Variants in USP36 observed in about 807,000 individuals in gnomAD.
USP36 encodes ubiquitin specific peptidase 36.
A neutral mutation model predicts 111.5 loss-of-function variants in USP36; 59 were observed. The observed-to-expected ratio is 0.53, with a 90% CI of 0.43 to 0.66. USP36 has a LOEUF of 0.66. USP36 is among the 30% of genes least tolerant of loss of function. USP36 has a pLI of 0.00. For missense variants in USP36, 1,488 were observed against 1,468.0 expected, an observed-to-expected ratio of 1.01 and a Z score of -0.22; for synonymous variants, 628 against 581.0, an observed-to-expected ratio of 1.08 and a Z score of -1.16.
chr17:78,837,353 G>A (rs1486159189), intron 2 of USP36, among the ~76,000 whole-genome samples: 1 of 152,040 alleles, frequency 6.6e-6, no homozygotes, highest in Admixed American at 6.6e-5. Context: ...AAGCCAAGCA[G>A]GAGAGTGGGG....
rs768525189 is a variant in USP36, at chr17:78,803,790, C to A, written c.2405G>T (p.Ser802Ile). 31 of 1,612,726 alleles carry A rather than the reference C, an allele frequency of 1.9e-5. No homozygotes were observed. Among genetic ancestry groups the A allele is most frequent in the Non-Finnish European group, 2.5e-5 (30 of 1,179,988 alleles). Residue 802 changes from serine (S) to isoleucine (I), a missense_variant, in exon 16 of 21, where the codon AGT (serine) becomes ATT (isoleucine). Physicochemically the swap from Ser to Ile is moderately radical, Grantham distance 142 (BLOSUM62 -2). This residue lies in a region of USP36 where 1,073 missense variants were observed against 994.1 expected (regional missense o/e 1.08). Transcript: ENST00000449938. This position sits in a 1 kb window ranked among gnomAD's most constrained non-coding sequence, Gnocchi z 4.6. Reference sequence around the variant, plus strand: ...CTCAGAGGGGCTCTGGGGGGGCTCACTGGCCTCTGGCAACTGGTGTGGAAG... The same window carrying A: ...CTCAGAGGGGCTCTGGGGGGGCTCAATGGCCTCTGGCAACTGGTGTGGAAG... The part of the protein sequence containing the change: ...VSLPHQLPEA[S>I]EPPQSPSEKR...
chr17:78,809,445 T>C (rs1433606520), intron 13 of USP36, among the ~76,000 whole-genome samples: 1 of 152,196 alleles, frequency 6.6e-6, no homozygotes, highest in African/African-American at 2.4e-5. Context: ...ACTTGCACCA[T>C]GTCATTTAGA....
chr17:78,799,760 G>C lies in USP36; in HGVS notation c.3031C>G (p.Gln1011Glu), dbSNP rs1567907768. The change falls in exon 18 of 21, where the codon CAG (glutamine) becomes GAG (glutamate). Residue 1011 changes from glutamine (Q) to glutamate (E), a missense_variant. Gln to Glu is a conservative substitution (Grantham distance 29, BLOSUM62 2). Transcript: ENST00000449938. ...CCATTCCAAGACACAGGAGGGGCCT[G>C]GCTCAGCCCTGCAATCGGAGCAGCC... ...WCPGDRMGLS[Q>E]APPVSWNGER... is the part of the protein sequence containing the mutation. The C allele has an allele frequency of 6.2e-7, 1 of 1,601,694 alleles. No individual in the cohort carries two copies. The highest frequency in any genetic ancestry group is 1.1e-5 in the South Asian group (1 of 88,570).
chr17:78,802,652 G>A (rs749894320), intron 16 of USP36, 117 bp from the exon 17 acceptor site: 124 of 950,904 alleles, frequency 1.3e-4, no homozygotes, highest in Non-Finnish European at 1.6e-4. Context: ...CCCAGTGCAC[G>A]CAGGTCCCTG....
intron 4 of USP36, among the ~76,000 whole-genome samples, chr17:78,830,597 A>G (rs1730825531): frequency 6.6e-6 from 1 of 152,200 alleles, no homozygotes; most frequent in Non-Finnish European, 1.5e-5. Context: ...ACAGTGCATT[A>G]CCTATTATCT....
At position 78,802,450 on chromosome 17, in the gene USP36, G is replaced by C. The variant is rs752023189; in HGVS notation, c.2896C>G (p.Gln966Glu). 106 of 1,607,078 alleles carry C rather than the reference G, an allele frequency of 6.6e-5. No individual in the cohort carries two copies. Among genetic ancestry groups the C allele is most frequent in the Non-Finnish European group, 8.4e-5 (99 of 1,177,130 alleles). The change falls in exon 17 of 21, where the codon CAG becomes GAG. Residue 966 changes from glutamine (Q) to glutamate (E), a missense_variant. Gln to Glu is a conservative substitution (Grantham distance 29). This residue lies in a region of USP36 where 1,073 missense variants were observed against 994.1 expected (regional missense o/e 1.08). Coordinates refer to ENST00000449938, the MANE Select transcript of USP36 (RefSeq NM_001385174.1). ...KKKKKRKQET[Q>E]RAVEEDGHLK... ...TGCCCATCCTCTTCTACTGCCCGCT[G>C]TGTCTCCTGCTTTCTTTTTTTCTTT...
intron 6 of USP36, among the ~76,000 whole-genome samples, chr17:78,824,852 A>G (rs898794394): frequency 6.6e-6 from 1 of 152,220 alleles, no homozygotes; most frequent in Non-Finnish European, 1.5e-5. Flanking sequence ...GAAACCCTGC[A>G]AAAGCAGGGG....
chr17:78,803,689 C>T lies in USP36; in HGVS notation c.2506G>A (p.Ala836Thr), dbSNP rs1448386705. The change falls in exon 16 of 21, where the codon GCC becomes ACC. Residue 836 changes from alanine to threonine, a missense_variant. Physicochemically the swap from Ala to Thr is moderately conservative, Grantham distance 58 (BLOSUM62 0). Transcript: ENST00000449938. The surrounding 1 kb of genome is among the most constrained non-coding windows in gnomAD (Gnocchi z 4.6). ...ETRLPQHIRE[A>T]TAAPHGKRKR... ...CTCTTCCCGTGGGGAGCCGCAGTGG[C>T]CTCCCTGATGTGCTGTGGGAGGCGC... 1.2e-6 allele frequency: 2 copies of T among 1,610,904 alleles called. No homozygotes were observed. Among genetic ancestry groups the T allele is most frequent in the Non-Finnish European group, 1.7e-6 (2 of 1,179,608 alleles).
At chr17:78,811,883 A>G (rs79372583) in intron 13 of USP36, among the ~76,000 whole-genome samples, 2 of 151,858 alleles carry the variant, frequency 1.3e-5, no homozygotes, top group Non-Finnish European at 2.9e-5. Flanking sequence ...AAAAAAAAAA[A>G]GGATATTTTT....
intron 11 of USP36, 47 bp downstream of exon 11, chr17:78,814,365 G>A (rs2094134179): frequency 6.2e-7 from 1 of 1,608,394 alleles, no homozygotes; most frequent in African/African-American, 1.3e-5. Context: ...GTGCATGGGT[G>A]CTGAAACCTG....
At chr17:78,814,811 A>C (rs1325895992) in intron 10 of USP36, among the ~76,000 whole-genome samples, 1 of 152,140 alleles carries the variant, frequency 6.6e-6, no homozygotes, top group Admixed American at 6.5e-5. Flanking sequence ...TTAGCTGGGC[A>C]TGGTGGTGCA....
In USP36 at chr17:78,836,178, C is replaced by T. The variant is rs372674733; in HGVS notation, c.186G>A (p.Leu62=). ...QLEALKSKYV[L]LNPKTEGASR... is the part of the protein sequence containing the mutation. ...TAGCTCCCTCTGTTTTGGGGTTGAG[C>T]AACACATATTTGCTCTTTAAGGCCT... Residue 62 remains leucine, a synonymous_variant, in exon 3 of 21, where the codon TTG becomes TTA. Coordinates refer to ENST00000449938, the MANE Select transcript of USP36 (RefSeq NM_001385174.1). 3.7e-6 allele frequency: 6 copies of T among 1,613,992 alleles called. No homozygotes were observed. In the African/African-American group the frequency reaches 8.0e-5, roughly 22 times the overall value.
At position 78,812,846 on chromosome 17, in the gene USP36, A is replaced by T; in HGVS notation, c.1407+14T>A. 1 of 1,612,590 alleles carries T rather than the reference A, an allele frequency of 6.2e-7. No individual in the cohort carries two copies. Among genetic ancestry groups the T allele is most frequent in the Middle Eastern group, 1.9e-4 (1 of 5,186 alleles). The stretch of plus-strand genomic sequence containing the variant: ...AAGACCAGCCACTTTGGCCTCCATC[A>T]TTCTCACAAATACCTTTCCAGTCAG... On this transcript the variant is annotated intron_variant, in intron 13 of 20. Transcript: ENST00000449938.
At chr17:78,808,354 G>C (rs1327029390) in intron 13 of USP36, among the ~76,000 whole-genome samples, 1 of 152,142 alleles carries the variant, frequency 6.6e-6, no homozygotes, top group African/African-American at 2.4e-5. Flanking sequence ...GGGCTCAAGA[G>C]ATCCTCCCAC....
At position 78,798,486 on chromosome 17, in the gene USP36, C is replaced by G. The variant is rs756624536; in HGVS notation, c.3306G>C (p.Gln1102His). 1 of 1,614,212 alleles carries G rather than the reference C, an allele frequency of 6.2e-7. No individual in the cohort carries two copies. The highest frequency in any genetic ancestry group is 1.1e-5 in the South Asian group (1 of 91,092). ...TCACAGACCAGAAGTTCCGTCGAGT[C>G]TGAAGTTTCTGGAAGGCGTTGAAGT... is the stretch of plus-strand genomic sequence containing the variant. Reference protein sequence around the residue: ...RRNFNAFQKLQTRRNFWSVTH... With the variant: ...RRNFNAFQKLHTRRNFWSVTH... Residue 1102 changes from glutamine (Q) to histidine (H), a missense_variant, in exon 20 of 21, where the codon CAG becomes CAC. This residue lies in a region of USP36 where 1,073 missense variants were observed against 994.1 expected (regional missense o/e 1.08). Coordinates refer to ENST00000449938, the MANE Select transcript of USP36 (RefSeq NM_001385174.1). The surrounding 1 kb of genome is among the most constrained non-coding windows in gnomAD (Gnocchi z 5.1).
At chr17:78,833,304 C>T (rs111805955) in intron 4 of USP36, among the ~76,000 whole-genome samples, 15,805 of 151,906 alleles carry the variant, frequency 0.1, 1,088 homozygotes, top group Middle Eastern at 0.17. Context: ...TTTTTTGAGA[C>T]GGAATCTTGT....
In USP36 at chr17:78,803,644, G is replaced by GCTT. The variant is rs1214803118; in HGVS notation, c.2548_2550dup (p.Lys850dup). On this transcript the variant is annotated inframe_insertion, in exon 16 of 21. Coordinates refer to ENST00000449938, the MANE Select transcript of USP36 (RefSeq NM_001385174.1). The surrounding 1 kb of genome is among the most constrained non-coding windows in gnomAD (Gnocchi z 4.6). ...GCGCTGGCAGCTGTGTCCTCCGGGC[G>GCTT]CTTCTTCTTCTTCCTCTTCCTCTTC... 1.9e-6 allele frequency: 3 copies of GCTT among 1,609,794 alleles called. No individual in the cohort carries two copies. Among genetic ancestry groups the GCTT allele is most frequent in the South Asian group, 1.1e-5 (1 of 90,934 alleles).
At chr17:78,821,651 TG>T (rs1210401732) in intron 7 of USP36, among the ~76,000 whole-genome samples, 1 of 151,850 alleles carries the variant, frequency 6.6e-6, no homozygotes, top group Non-Finnish European at 1.5e-5. Context: ...TTGGCCAGGC[TG>T]GCCTCGAACT....
rs1027379422 is a variant in USP36, at chr17:78,798,464, C to T, written c.3328G>A (p.Val1110Met). ...CTGGCAGCCTTTGCTGGGTGAGTCA[C>T]AGACCAGAAGTTCCGTCGAGTCTGA... ...KLQTRRNFWSVTHPAKAASLS... is the reference protein window; with the variant it reads ...KLQTRRNFWSMTHPAKAASLS... Residue 1110 changes from valine (V) to methionine (M), a missense_variant, in exon 20 of 21, where the codon GTG becomes ATG. Coordinates refer to ENST00000449938, the MANE Select transcript of USP36 (RefSeq NM_001385174.1). This position sits in a 1 kb window ranked among gnomAD's most constrained non-coding sequence, Gnocchi z 5.1. 2.5e-6 allele frequency: 4 copies of T among 1,614,212 alleles called. No homozygotes were observed. Among genetic ancestry groups the T allele is most frequent in the Non-Finnish European group, 3.4e-6 (4 of 1,180,036 alleles).
Sources: gnomAD v4.1 joint callset for allele counts (sites outside exome capture counted in the v4.1 genomes callset) on GRCh38, gnomAD v4.1.1 for gene constraint, gnomAD v4.1.1 regional missense constraint, Gnocchi (gnomAD v3.1) non-coding constraint, MANE v1.5 for transcripts, NCBI Gene and HGNC (gene_info 2026-07-23, HGNC 2026-07-21) for gene names.